The following DNHD1 variants were observed in gnomAD, a reference collection of about 807,000 sequenced individuals.
The protein encoded by DNHD1 is dynein heavy chain domain 1.
Under a neutral mutation model 458.1 loss-of-function variants are expected in DNHD1, and 383 were observed. That is an observed-to-expected ratio of 0.84 (90% CI 0.77 to 0.91). DNHD1 has a LOEUF of 0.91. DNHD1 is among the 40% of genes least tolerant of loss of function. The pLI, the probability that DNHD1 is intolerant of heterozygous loss-of-function variation, is 0.00. For missense variants in DNHD1, 5,336 were observed against 5,866.1 expected, an observed-to-expected ratio of 0.91 and a Z score of 2.95; for synonymous variants, 2,203 against 2,376.9, an observed-to-expected ratio of 0.93 and a Z score of 2.13.
chr11:6,567,906 G>T, intron 36 of DNHD1, 46 bp downstream of exon 36: 1 of 1,532,876 alleles, frequency 6.5e-7, no homozygotes. Context: ...GCTCCTGTGG[G>T]CTGGGGCATG....
At chr11:6,504,423 A>G (rs550910543) in intron 4 of DNHD1, among the ~76,000 whole-genome samples, 3 of 152,308 alleles carry the variant, frequency 2.0e-5, no homozygotes, top group South Asian at 2.1e-4. Context: ...TGCCTCAGCA[A>G]TGGTCTTTCA....
In DNHD1 at chr11:6,514,000, C is replaced by A. The variant is rs112610697; in HGVS notation, c.1392+2571C>A. ...CTGGGACTACAGGCACCTGCCACCA[C>A]GCCCGACTAATTTTTTTTTGTATTT... On this transcript the variant is annotated intron_variant, in intron 7 of 42. Coordinates refer to ENST00000254579, the MANE Select transcript of DNHD1 (RefSeq NM_144666.3). 4.9e-3 allele frequency among the ~76,000 whole-genome samples: 748 copies of A among 152,204 alleles called. 9 individuals are homozygous for A. The highest frequency in any genetic ancestry group is 0.017 in the African/African-American group (724 of 41,524).
chr11:6,509,226 C>T lies in DNHD1; in HGVS notation c.1189C>T (p.Leu397Phe), dbSNP rs762570786. The change falls in exon 6 of 43, where the codon CTC becomes TTC. Residue 397 changes from leucine (L) to phenylalanine (F), a missense_variant. By Grantham distance (22) the Leu-to-Phe change is conservative (BLOSUM62 0). Coordinates refer to ENST00000254579, the MANE Select transcript of DNHD1 (RefSeq NM_144666.3). ...CCAGAAATTCCTAGAGAATCATCTG[C>T]TCTTGGCTGTGCCCCACTTTGGAGC... is the stretch of plus-strand genomic sequence containing the variant. ...RLQKFLENHLLLAVPHFGAGL... is the reference protein window; with the variant it reads ...RLQKFLENHLFLAVPHFGAGL... 2.5e-6 allele frequency: 4 copies of T among 1,614,074 alleles called. No homozygotes were observed. The highest frequency in any genetic ancestry group is 1.3e-5 in the African/African-American group (1 of 74,912).
Position 6,534,003 on chromosome 11 carries a change from C to T in DNHD1, c.2828C>T (p.Ala943Val), listed in dbSNP as rs1401000840. 6.4e-7 allele frequency: 1 copy of T among 1,551,602 alleles called. No homozygotes were observed. Among genetic ancestry groups the T allele is most frequent in the Non-Finnish European group, 8.7e-7 (1 of 1,146,948 alleles). ...CCCAAGCTGCAGCAGCTGATGGCAG[C>T]AGCATTGGCAGAGCTGGAAGGCCTG... is the stretch of plus-strand genomic sequence containing the variant. ...IMPKLQQLMA[A>V]ALAELEGLLA... Residue 943 changes from alanine (A) to valine (V), a missense_variant, in exon 14 of 43, where the codon GCA becomes GTA. This residue lies in a region of DNHD1 where 3,932 missense variants were observed against 4,365.6 expected (regional missense o/e 0.90). Transcript: ENST00000254579.
intron 8 of DNHD1, 37 bp downstream of exon 8, chr11:6,519,891 A>T: frequency 6.2e-7 from 1 of 1,613,026 alleles, no homozygotes; most frequent in Non-Finnish European, 8.5e-7. Context: ...GGTGGCAGGC[A>T]GTCCAGGGCC....
intron 10 of DNHD1, among the ~76,000 whole-genome samples, chr11:6,526,151 G>T (rs906942090): frequency 6.6e-6 from 1 of 151,112 alleles, no homozygotes; most frequent in East Asian, 1.9e-4. Flanking sequence ...CTTTTTAGTT[G>T]TATAATTACC....
chr11:6,531,539 C>T (rs1852828777), intron 12 of DNHD1, among the ~76,000 whole-genome samples: 2 of 151,986 alleles, frequency 1.3e-5, no homozygotes, highest in South Asian at 4.1e-4. Flanking sequence ...AACAAACAAA[C>T]AAACAAGCAA....
rs753173492 is a variant in DNHD1 at position 6,567,409 on chromosome 11, C to G, written c.11900C>G (p.Thr3967Arg). Reference sequence around the variant, plus strand: ...CCTGGACTAGCAGCCTCTCCCAGCACAGTCCACAGCAAGCCAGTCTCAGAT... The same window carrying G: ...CCTGGACTAGCAGCCTCTCCCAGCAGAGTCCACAGCAAGCCAGTCTCAGAT... ...LWPGLAASPSTVHSKPVSDVA... is the reference protein window; with the variant it reads ...LWPGLAASPSRVHSKPVSDVA... The change falls in exon 36 of 43, where the codon ACA becomes AGA. Residue 3967 changes from threonine to arginine, a missense_variant. Physicochemically the swap from Thr to Arg is moderately conservative, Grantham distance 71. This residue lies in a region of DNHD1 where 695 missense variants were observed against 804.2 expected (regional missense o/e 0.86). Coordinates refer to ENST00000254579, the MANE Select transcript of DNHD1 (RefSeq NM_144666.3). 2 of 1,613,546 alleles carry G rather than the reference C, an allele frequency of 1.2e-6. No homozygotes were observed. The highest frequency in any genetic ancestry group is 1.1e-5 in the South Asian group (1 of 91,030).
intron 7 of DNHD1, among the ~76,000 whole-genome samples, chr11:6,512,211 CTTTTTTTTTT>C (rs11287049): frequency 3.3e-5 from 3 of 91,630 alleles, no homozygotes; most frequent in East Asian, 3.3e-4. Context: ...CTTTTTCTTT[CTTTTTTTTTT>C]TTTTTTTTTT....
rs372317431 is a variant in DNHD1 at position 6,566,723 on chromosome 11, G to A, written c.11343G>A (p.Lys3781=). The change falls in exon 35 of 43, where the codon AAG becomes AAA. Residue 3781 remains lysine, a synonymous_variant. Transcript: ENST00000254579. ...PELETRWQDL[K]IRALDTCKAV... ...TCGAGACCCGCTGGCAGGACCTAAA[G>A]ATCAGAGCCCTAGATACCTGCAAGG... The A allele has an allele frequency of 2.7e-5, 44 of 1,611,782 alleles. No homozygotes were observed. The African/African-American group carries it at 5.6e-4, about 21-fold the overall frequency.
chr11:6,570,585 T>C (rs1853822112), intron 41 of DNHD1, 33 bp from the exon 42 acceptor site: 3 of 1,551,560 alleles, frequency 1.9e-6, no homozygotes, highest in Non-Finnish European at 2.6e-6. Flanking sequence ...GGAGAGTCCA[T>C]CTTGTCCCTC....
In DNHD1 at chr11:6,497,897, C is replaced by G; in HGVS notation, c.-319C>G. On this transcript the variant is annotated 5_prime_UTR_variant, in exon 3 of 43. Coordinates refer to ENST00000254579, the MANE Select transcript of DNHD1 (RefSeq NM_144666.3). ...AGAAGGAACTCTTCTGCAAGGAGGG[C>G]TCTCACGTCTGTCTTAGGCCTGCTC... The G allele has an allele frequency of 2.9e-6, 1 of 346,292 alleles. No homozygotes were observed. Among genetic ancestry groups the G allele is most frequent in the Admixed American group, 4.4e-5 (1 of 22,750 alleles). 21.5% of individuals were successfully genotyped at this position (346,292 alleles called of 1,614,324 possible). A position where few individuals can be genotyped will look rare whatever the true frequency, so the allele number is the denominator to read the frequency against.
At chr11:6,514,027 T>C (rs536536103) in intron 7 of DNHD1, among the ~76,000 whole-genome samples, 1 of 152,138 alleles carries the variant, frequency 6.6e-6, no homozygotes, top group South Asian at 2.1e-4. Context: ...TTTGTATTTT[T>C]AGTAGAGACG....
intron 12 of DNHD1, among the ~76,000 whole-genome samples, chr11:6,531,324 C>T (rs1852825160): frequency 6.6e-6 from 1 of 152,208 alleles, no homozygotes; most frequent in African/African-American, 2.4e-5. Flanking sequence ...GACCTTACTA[C>T]ATCCAACCTG....
chr11:6,566,765 G>A lies in DNHD1; in HGVS notation c.11385G>A (p.Glu3795=), dbSNP rs1329773366. Residue 3795 remains glutamate, a splice_region_variant and synonymous_variant, in exon 35 of 43, where the codon GAG becomes GAA. Transcript: ENST00000254579. ...CCTGCAAGGCTGTGGAGGCTGCTGA[G>A]GTGCTTGGGGGCTCAGTCTGTGGGT... The part of the protein sequence containing the change: ...LDTCKAVEAA[E]ERLLTMLLFQ... The A allele has an allele frequency of 6.2e-7, 1 of 1,608,852 alleles. No individual in the cohort carries two copies. Among genetic ancestry groups the A allele is most frequent in the Non-Finnish European group, 8.5e-7 (1 of 1,177,454 alleles).
intron 3 of DNHD1, among the ~76,000 whole-genome samples, chr11:6,499,500 T>G (rs184128748): frequency 2.6e-4 from 39 of 152,282 alleles, no homozygotes; most frequent in Middle Eastern, 6.8e-3. Context: ...TTCCAGAGTC[T>G]TCTTCTTGCC....
chr11:6,528,424 TGTGTGTGTGTGTAC>T (rs1852757681), intron 10 of DNHD1, 84 bp from the exon 11 acceptor site: 9 of 1,294,994 alleles, frequency 6.9e-6, no homozygotes, highest in South Asian at 1.5e-5. Context: ...TGTGTGTGTG[TGTGTGTGTGTGTAC>T]ACACACTGAG....
rs1264147059 is a variant in DNHD1, at chr11:6,557,514, G to A, written c.8219G>A (p.Arg2740Lys). The change falls in exon 25 of 43, where the codon AGA (arginine) becomes AAA (lysine). Residue 2740 changes from arginine (R) to lysine (K), a missense_variant. Coordinates refer to ENST00000254579, the MANE Select transcript of DNHD1 (RefSeq NM_144666.3). ...EEEPYGLQVARVSNSRDPSLT... is the reference protein window; with the variant it reads ...EEEPYGLQVAKVSNSRDPSLT... The stretch of plus-strand genomic sequence containing the variant: ...GAACCTTATGGCCTTCAGGTCGCCA[G>A]AGTCTCAAACTCCAGAGATCCAAGT... 1 of 1,551,768 alleles carries A rather than the reference G, an allele frequency of 6.4e-7. No homozygotes were observed. Among genetic ancestry groups the A allele is most frequent in the South Asian group, 1.2e-5 (1 of 84,058 alleles).
rs1370000720 is a variant in DNHD1, at chr11:6,557,678, C to T, written c.8383C>T (p.Pro2795Ser). 1.3e-6 allele frequency: 2 copies of T among 1,551,700 alleles called. No individual in the cohort carries two copies. Among genetic ancestry groups the T allele is most frequent in the African/African-American group, 1.4e-5 (1 of 73,140 alleles). ...RSFKTWWQKK[P>S]QMDLISPLLL... ...ATTCAAGACTTGGTGGCAGAAGAAA[C>T]CCCAGATGGACCTGATCTCACCCTT... is the stretch of plus-strand genomic sequence containing the variant. The change falls in exon 25 of 43, where the codon CCC becomes TCC. Residue 2795 changes from proline (P) to serine (S), a missense_variant. By Grantham distance (74) the Pro-to-Ser change is moderately conservative. Around this residue, in one of 4 missense-constraint regions of DNHD1, gnomAD observed 3,932 missense variants for 4,365.6 expected, o/e 0.90. Transcript: ENST00000254579.
Sources: allele counts gnomAD v4.1 joint callset (sites outside exome capture counted in the v4.1 genomes callset), GRCh38; gene constraint gnomAD v4.1.1; regional missense constraint gnomAD v4.1.1; transcripts MANE v1.5; gene names NCBI Gene and HGNC (gene_info 2026-07-23, HGNC 2026-07-21).